CCDC178: variants seen among roughly 807,000 people sequenced by gnomAD.
CCDC178 encodes the protein coiled-coil domain-containing protein 178.
CCDC178 carries 126 observed loss-of-function variants against 117.4 expected under a neutral mutation model. That is an observed-to-expected ratio of 1.07 (90% CI 0.93 to 1.24). The LOEUF (loss-of-function observed/expected upper bound fraction) is 1.24. CCDC178 is among the 50% of genes most tolerant of loss of function. CCDC178 has a pLI of 0.00. For missense variants in CCDC178, 1,030 were observed against 986.9 expected, an observed-to-expected ratio of 1.04 and a Z score of -0.59; for synonymous variants, 283 against 313.4, an observed-to-expected ratio of 0.90 and a Z score of 1.02.
chr18:33,186,104 T>C (rs2058791243), intron 20 of CCDC178, among the ~76,000 whole-genome samples: 1 of 152,104 alleles, frequency 6.6e-6, no homozygotes, highest in South Asian at 2.1e-4. Context: ...TCAAGTTAGA[T>C]ACATATGATG....
intron 4 of CCDC178, among the ~76,000 whole-genome samples, chr18:33,389,983 C>G (rs2144822948): frequency 1.3e-5 from 2 of 148,904 alleles, no homozygotes; most frequent in Middle Eastern, 7.1e-3. Flanking sequence ...AAATGATATG[C>G]ATGTGTATGT....
chr18:33,391,646 T>G (rs2063566528), intron 4 of CCDC178, among the ~76,000 whole-genome samples: 1 of 152,148 alleles, frequency 6.6e-6, no homozygotes, highest in Non-Finnish European at 1.5e-5. Flanking sequence ...AAATTTAATG[T>G]ATATTTCCAA....
rs200911265 is a variant in CCDC178 at position 33,285,971 on chromosome 18, G to A, written c.1176+7188C>T. ...TCCTATTATTTAAAAAATTAGCAAT[G>A]TGTATTTTTTTTTTTTTTTTGAGAT... is the stretch of plus-strand genomic sequence containing the variant. On this transcript the variant is annotated intron_variant, in intron 12 of 22. Transcript: ENST00000383096. Among the ~76,000 whole-genome samples the A allele has an allele frequency of 5.0e-4, 40 of 80,500 alleles. No individual in the cohort carries two copies. The East Asian group carries it at 0.015, about 31-fold the overall frequency. The allele number at this position is 80,500 out of a possible 152,430, so 52.8% of individuals were successfully genotyped here.
chr18:33,416,620 C>T (rs1020272155), intron 2 of CCDC178, among the ~76,000 whole-genome samples: 3 of 152,120 alleles, frequency 2.0e-5, no homozygotes, highest in South Asian at 2.1e-4. Context: ...CTCTCCAACT[C>T]TCCCAGCACC....
chr18:33,171,664 AGCTATGCTGGGGTAACAGTTGACAT>A (rs1370943243), intron 20 of CCDC178, among the ~76,000 whole-genome samples: 1 of 152,178 alleles, frequency 6.6e-6, no homozygotes, highest in Non-Finnish European at 1.5e-5. Context: ...CTCAGCACCT[AGCTATGCTGGGGTAACAGTTGACAT>A]GCTGTTGGAG....
Position 33,044,577 on chromosome 18 carries a change from G to T in CCDC178, c.2388+48184C>A, listed in dbSNP as rs140488086. Among the ~76,000 whole-genome samples, 200 of 151,812 alleles carry T rather than the reference G, an allele frequency of 1.3e-3. No individual in the cohort carries two copies. In the Middle Eastern group the frequency reaches 0.014, roughly 10 times the overall value. On this transcript the variant is annotated intron_variant, in intron 21 of 22. Transcript: ENST00000383096. ...AGAGAACACTTATACACTCTTGGTG[G>T]GAATGTAAACTAATACAACCGTTAT...
At chr18:33,064,412 C>A (rs1206999667) in intron 21 of CCDC178, among the ~76,000 whole-genome samples, 1 of 152,016 alleles carries the variant, frequency 6.6e-6, no homozygotes, top group Non-Finnish European at 1.5e-5. Context: ...AAAACAATAC[C>A]ATTGAGCACT....
intron 20 of CCDC178, among the ~76,000 whole-genome samples, chr18:33,146,060 A>G (rs2058263581): frequency 1.3e-5 from 2 of 152,226 alleles, no homozygotes; most frequent in Admixed American, 1.3e-4. Flanking sequence ...GTGGTCTGGT[A>G]TAGGCTAGAA....
chr18:33,426,200 C>T (rs1052695318), intron 2 of CCDC178, among the ~76,000 whole-genome samples: 5 of 152,216 alleles, frequency 3.3e-5, no homozygotes, highest in African/African-American at 1.2e-4. Context: ...TGAGCCACTG[C>T]GCCTGGCCTA....
At chr18:33,081,222 A>G (rs1440779747) in intron 21 of CCDC178, among the ~76,000 whole-genome samples, 4 of 152,236 alleles carry the variant, frequency 2.6e-5, no homozygotes, top group African/African-American at 9.6e-5. Flanking sequence ...TATTATTAAT[A>G]TAATTGTTTT....
intron 20 of CCDC178, among the ~76,000 whole-genome samples, chr18:33,202,871 C>T (rs1172381968): frequency 6.6e-6 from 1 of 152,180 alleles, no homozygotes; most frequent in Admixed American, 6.5e-5. Flanking sequence ...TTGTGTATCA[C>T]ATTACTAATA....
At chr18:33,031,508 T>C (rs1302236322) in intron 21 of CCDC178, among the ~76,000 whole-genome samples, 1 of 152,134 alleles carries the variant, frequency 6.6e-6, no homozygotes, top group East Asian at 1.9e-4. Flanking sequence ...GACATGTATA[T>C]ATATTGTTTT....
intron 20 of CCDC178, among the ~76,000 whole-genome samples, chr18:33,147,429 C>A (rs2058283746): frequency 7.3e-6 from 1 of 136,734 alleles, no homozygotes; most frequent in African/African-American, 2.8e-5. Flanking sequence ...GGGGATTTGG[C>A]AGGGTCATAG....
chr18:32,951,290 C>G (rs113865815), intron 22 of CCDC178, among the ~76,000 whole-genome samples: 1 of 152,058 alleles, frequency 6.6e-6, no homozygotes, highest in South Asian at 2.1e-4. Context: ...GTATTCGTTC[C>G]TTCTCATGCT....
intron 20 of CCDC178, among the ~76,000 whole-genome samples, chr18:33,096,390 A>AAAATTTTTATATTTTATAT (rs2057545423): frequency 6.8e-6 from 1 of 146,110 alleles, no homozygotes; most frequent in African/African-American, 2.5e-5. Flanking sequence ...ATAAAAATAT[A>AAAATTTTTATATTTTATAT]AAAATATAAA....
chr18:33,077,146 C>G (rs2057223028), intron 21 of CCDC178, among the ~76,000 whole-genome samples: 1 of 152,066 alleles, frequency 6.6e-6, no homozygotes, highest in Non-Finnish European at 1.5e-5. Context: ...AATACTTTTG[C>G]ATTTAAAGAG....
chr18:33,052,205 G>C (rs1487102593), intron 21 of CCDC178, among the ~76,000 whole-genome samples: 2 of 152,050 alleles, frequency 1.3e-5, no homozygotes, highest in African/African-American at 4.8e-5. Context: ...ACCAAGACAG[G>C]ATATTAAAAG....
chr18:33,251,442 G>A (rs539780207), intron 14 of CCDC178, among the ~76,000 whole-genome samples: 2 of 151,718 alleles, frequency 1.3e-5, no homozygotes, highest in East Asian at 3.9e-4. Flanking sequence ...GAAATTTCTT[G>A]GTCGTGCTGA....
chr18:33,250,686 T>A (rs1326842809), intron 14 of CCDC178, among the ~76,000 whole-genome samples: 2 of 151,750 alleles, frequency 1.3e-5, no homozygotes, highest in East Asian at 3.9e-4. Flanking sequence ...ACTATCAGAC[T>A]CCTATCGGAA....
Sources: gnomAD v4.1 joint callset for allele counts (sites outside exome capture counted in the v4.1 genomes callset) on GRCh38, gnomAD v4.1.1 for gene constraint, MANE v1.5 for transcripts, NCBI Gene and HGNC (gene_info 2026-07-23, HGNC 2026-07-21) for gene names.